GDI2: variants seen among roughly 807,000 people sequenced by gnomAD.
GDI2 encodes the protein rab GDP dissociation inhibitor beta.
Under a neutral mutation model 54.2 loss-of-function variants are expected in GDI2, and 22 were observed. That is an observed-to-expected ratio of 0.41 (90% confidence interval 0.29 to 0.58). The LOEUF (loss-of-function observed/expected upper bound fraction) is 0.58. Among genes scored for constraint, GDI2 ranks in the 20% least tolerant of loss-of-function variants. The pLI is 0.35. For missense variants in GDI2, 422 were observed against 546.0 expected (o/e 0.77, Z 2.26); for synonymous variants, 177 against 182.1 (o/e 0.97, Z 0.23).
chr10:5,810,408 T>C (rs947441048), intron 1 of GDI2, among the ~76,000 whole-genome samples: 1 of 152,146 alleles, frequency 6.6e-6, no homozygotes. Flanking sequence ...GTGAACTATG[T>C]GCAAATTATG....
At position 5,813,262 on chromosome 10, in the gene GDI2, G is replaced by A. The variant is rs3736460; in HGVS notation, c.-4C>T. On this transcript the variant is annotated 5_prime_UTR_variant, in exon 1 of 11. Coordinates refer to ENST00000380191, the MANE Select transcript of GDI2 (RefSeq NM_001494.4). ...TCACGTCGTACTCCTCATTCATGGC[G>A]GGGCAGGCGCGGACGCAGGACCCGA... 180,166 of 1,574,920 alleles carry A rather than the reference G, an allele frequency of 0.11. 10,966 individuals are homozygous for A. Among genetic ancestry groups the A allele is most frequent in the East Asian group, 0.17 (7,082 of 42,734 alleles).
At chr10:5,777,664 G>A (rs1840657900) in intron 6 of GDI2, among the ~76,000 whole-genome samples, 1 of 152,184 alleles carries the variant, frequency 6.6e-6, no homozygotes, top group African/African-American at 2.4e-5. Context: ...TGGAGAAATA[G>A]GAATACTTTT....
intron 2 of GDI2, among the ~76,000 whole-genome samples, chr10:5,798,089 C>T (rs955246349): frequency 1.3e-5 from 2 of 152,094 alleles, no homozygotes; most frequent in African/African-American, 4.8e-5. Flanking sequence ...CATAAGGTAC[C>T]AATCATATCC....
intron 7 of GDI2, among the ~76,000 whole-genome samples, chr10:5,772,127 G>A (rs149018448): frequency 7.2e-5 from 11 of 152,084 alleles, no homozygotes; most frequent in African/African-American, 2.7e-4. Context: ...CTATTATGCT[G>A]AAAGTACAAG....
chr10:5,776,716 A>G lies in GDI2; in HGVS notation c.720-2775T>C. 6.8e-7 allele frequency: 1 copy of G among 1,472,388 alleles called. No individual in the cohort carries two copies. The highest frequency in any genetic ancestry group is 9.5e-7 in the Non-Finnish European group (1 of 1,056,956). The allele number at this position is 1,472,388 out of a possible 1,614,324, so 91.2% of individuals were successfully genotyped here. On this transcript the variant is annotated intron_variant, in intron 6 of 10. Transcript: ENST00000380191. This position sits in a 1 kb window ranked among gnomAD's most constrained non-coding sequence, Gnocchi z 5.3. ...TGCCGCCACATTCAGAAACTGCTAC[A>G]GCCTCTTTAACCTGGCAGAAGTTTG...
chr10:5,808,401 C>T (rs1023544596), intron 1 of GDI2, among the ~76,000 whole-genome samples: 4 of 150,180 alleles, frequency 2.7e-5, no homozygotes, highest in Admixed American at 6.6e-5. Flanking sequence ...GGGCTGGGTG[C>T]GGTGGCTCTC....
intron 1 of GDI2, among the ~76,000 whole-genome samples, chr10:5,806,937 G>T (rs1283945869): frequency 6.6e-6 from 1 of 152,036 alleles, no homozygotes; most frequent in East Asian, 1.9e-4. Context: ...CTGGACTATG[G>T]CCGTAAAGCA....
intron 1 of GDI2, among the ~76,000 whole-genome samples, chr10:5,805,341 T>C (rs1444343212): frequency 1.4e-5 from 2 of 142,220 alleles, no homozygotes; most frequent in East Asian, 2.1e-4. Flanking sequence ...AGGTCTGAGG[T>C]TGGATCTGAG....
Position 5,800,831 on chromosome 10 carries a change from ATT to A in GDI2, c.46-128_46-127del, listed in dbSNP as rs1841253011. ...ACTTATATTCATGCAACATGACATA[ATT>A]TATGAAGAAAGCCCTTAAGAAACCA... On this transcript the variant is annotated intron_variant, in intron 1 of 10. Coordinates refer to ENST00000380191, the MANE Select transcript of GDI2 (RefSeq NM_001494.4). 14 of 652,982 alleles carry A rather than the reference ATT, an allele frequency of 2.1e-5. No individual in the cohort carries two copies. In the Middle Eastern group the frequency reaches 9.5e-4, roughly 44 times the overall value. The allele number at this position is 652,982 out of a possible 1,614,324, so 40.4% of individuals were successfully genotyped here.
At position 5,803,391 on chromosome 10, in the gene GDI2, T is replaced by C. The variant is rs553633071; in HGVS notation, c.46-2686A>G. On this transcript the variant is annotated intron_variant, in intron 1 of 10. Transcript: ENST00000380191. Reference sequence around the variant, plus strand: ...GTGAGCCGTGATAAGGCCACTGCACTTCAGCCTGGGTGACAAAGTGAGATC... The same window carrying C: ...GTGAGCCGTGATAAGGCCACTGCACCTCAGCCTGGGTGACAAAGTGAGATC... Among the ~76,000 whole-genome samples, 3 of 152,308 alleles carry C rather than the reference T, an allele frequency of 2.0e-5. No individual in the cohort carries two copies. The South Asian group carries it at 6.2e-4, about 32-fold the overall frequency.
chr10:5,770,543 CAG>C (rs940442287), intron 7 of GDI2, among the ~76,000 whole-genome samples: 3 of 151,470 alleles, frequency 2.0e-5, no homozygotes, highest in Non-Finnish European at 1.5e-5. Context: ...GCTTGGGCGA[CAG>C]AGTGAGACTC....
At chr10:5,812,899 G>A (rs938165515) in intron 1 of GDI2, among the ~76,000 whole-genome samples, 2 of 152,174 alleles carry the variant, frequency 1.3e-5, no homozygotes, top group Non-Finnish European at 2.9e-5. Context: ...CCCTTGGCCC[G>A]GGCGGCCTTC....
intron 2 of GDI2, among the ~76,000 whole-genome samples, chr10:5,798,252 C>A (rs2131712099): frequency 6.6e-6 from 1 of 152,222 alleles, no homozygotes; most frequent in East Asian, 1.9e-4. Flanking sequence ...AATCCTACTG[C>A]TAAGGTGGAA....
At position 5,767,000 on chromosome 10, in the gene GDI2, G is replaced by A. The variant is rs980855656; in HGVS notation, c.992-362C>T. 3.3e-5 allele frequency among the ~76,000 whole-genome samples: 5 copies of A among 152,156 alleles called. No individual in the cohort carries two copies. Among genetic ancestry groups the A allele is most frequent in the Non-Finnish European group, 7.3e-5 (5 of 68,036 alleles). On this transcript the variant is annotated intron_variant, in intron 8 of 10. Transcript: ENST00000380191. The surrounding 1 kb of genome is among the most constrained non-coding windows in gnomAD (Gnocchi z 5.8). ...ATTTAGAAAGGTTCTGAATGGCTAA[G>A]AAAGGATGTACTTAGTACTGACGTC...
At chr10:5,780,772 T>C (rs1283327962) in intron 6 of GDI2, among the ~76,000 whole-genome samples, 1 of 152,188 alleles carries the variant, frequency 6.6e-6, no homozygotes, top group African/African-American at 2.4e-5. Context: ...GAAAACCACA[T>C]GGAGAACAAT....
At chr10:5,801,962 C>G (rs1841278676) in intron 1 of GDI2, among the ~76,000 whole-genome samples, 1 of 152,058 alleles carries the variant, frequency 6.6e-6, no homozygotes, top group Admixed American at 6.6e-5. Flanking sequence ...GAGCTGAGAC[C>G]ACGCCACTGC....
rs76215060 is a variant in GDI2, at chr10:5,802,027, A to C, written c.46-1322T>G. On this transcript the variant is annotated intron_variant, in intron 1 of 10. Transcript: ENST00000380191. ...AGTAGCAAAAAGAATTAATAAAGTT[A>C]TTTAATAAACATATACCCTTCAATA... 7.1e-3 allele frequency among the ~76,000 whole-genome samples: 1,084 copies of C among 152,262 alleles called. 6 individuals are homozygous for C. The highest frequency in any genetic ancestry group is 0.025 in the African/African-American group (1,033 of 41,540).
intron 1 of GDI2, among the ~76,000 whole-genome samples, chr10:5,804,184 C>G (rs1285151333): frequency 6.6e-6 from 1 of 151,992 alleles, no homozygotes; most frequent in South Asian, 2.1e-4. Flanking sequence ...ACCTTCACCT[C>G]CCAGGTTCAA....
chr10:5,785,352 G>T (rs535594497), intron 5 of GDI2, 79 bp from the exon 6 acceptor site: 5 of 1,032,784 alleles, frequency 4.8e-6, no homozygotes, highest in Non-Finnish European at 5.7e-6. Context: ...TTTTTGAAGC[G>T]ATTTCAATCC....
Sources: allele counts gnomAD v4.1 joint callset (sites outside exome capture counted in the v4.1 genomes callset), GRCh38; gene constraint gnomAD v4.1.1; non-coding constraint Gnocchi (gnomAD v3.1); transcripts MANE v1.5; gene names NCBI Gene and HGNC (gene_info 2026-07-23, HGNC 2026-07-21).